PDZRN4: variants seen among roughly 807,000 people sequenced by gnomAD.
PDZRN4 encodes the protein PDZ domain-containing RING finger protein 4.
Under a neutral mutation model 99.0 loss-of-function variants are expected in PDZRN4, and 70 were observed. The observed-to-expected ratio is 0.71, with a 90% CI of 0.58 to 0.86. The LOEUF is 0.86. Ranked by LOEUF, PDZRN4 falls within the 40% of genes least tolerant of loss-of-function variation. The probability of loss-of-function intolerance (pLI) is 0.00; values close to 1 mark genes in which losing one functional copy is unlikely to be tolerated. For missense variants in PDZRN4, 1,474 were observed against 1,331.2 expected (o/e 1.11, Z -1.67); for synonymous variants, 551 against 501.6 (o/e 1.10, Z -1.32).
chr12:41,322,393 G>C (rs1310596183), intron 3 of PDZRN4, among the ~76,000 whole-genome samples: 1 of 151,058 alleles, frequency 6.6e-6, no homozygotes, highest in Non-Finnish European at 1.5e-5. Flanking sequence ...TACTGGGAAA[G>C]TACTCCAAAC....
chr12:41,219,748 A>T (rs1950941822), intron 3 of PDZRN4, among the ~76,000 whole-genome samples: 1 of 152,160 alleles, frequency 6.6e-6, no homozygotes, highest in South Asian at 2.1e-4. Flanking sequence ...CTGGTTTTGC[A>T]GAAAACTGAA....
intron 5 of PDZRN4, among the ~76,000 whole-genome samples, chr12:41,533,339 T>C (rs1396949832): frequency 6.6e-6 from 1 of 151,988 alleles, no homozygotes; most frequent in Non-Finnish European, 1.5e-5. Context: ...CACACCTGGC[T>C]ACTTTTTGTA....
intron 7 of PDZRN4, among the ~76,000 whole-genome samples, chr12:41,561,739 G>A (rs1037555002): frequency 6.6e-6 from 1 of 151,830 alleles, no homozygotes; most frequent in African/African-American, 2.4e-5. Flanking sequence ...GATCAGATGT[G>A]CCTGTAGTGG....
chr12:41,490,615 A>G (rs1020335164), intron 3 of PDZRN4, among the ~76,000 whole-genome samples: 2 of 152,084 alleles, frequency 1.3e-5, no homozygotes, highest in Admixed American at 6.6e-5. Context: ...TGCATTTGTT[A>G]TATGTTATCT....
At chr12:41,512,480 G>C (rs1373137333) in intron 5 of PDZRN4, among the ~76,000 whole-genome samples, 2 of 152,042 alleles carry the variant, frequency 1.3e-5, no homozygotes, top group Non-Finnish European at 2.9e-5. Context: ...AGGAAGGGCA[G>C]GGGCAAAGGA....
intron 3 of PDZRN4, among the ~76,000 whole-genome samples, chr12:41,382,788 A>C (rs1398124365): frequency 6.6e-6 from 1 of 152,156 alleles, no homozygotes; most frequent in Non-Finnish European, 1.5e-5. Context: ...TTATATCTCC[A>C]TTTATAGCTG....
chr12:41,286,019 AT>A (rs1253888684), intron 3 of PDZRN4, among the ~76,000 whole-genome samples: 25 of 152,240 alleles, frequency 1.6e-4, no homozygotes, highest in Non-Finnish European at 3.1e-4. Flanking sequence ...GAGAAAAAAA[AT>A]AAAATAAAAT....
chr12:41,383,396 A>T (rs1952140666), intron 3 of PDZRN4, among the ~76,000 whole-genome samples: 1 of 152,252 alleles, frequency 6.6e-6, no homozygotes, highest in African/African-American at 2.4e-5. Flanking sequence ...AGTTGTCAAT[A>T]GAAATAAATA....
intron 3 of PDZRN4, among the ~76,000 whole-genome samples, chr12:41,419,761 T>A (rs897318386): frequency 3.3e-5 from 5 of 152,178 alleles, no homozygotes; most frequent in Admixed American, 6.5e-5. Context: ...TCTATATCGG[T>A]TCAAATTGTA....
chr12:41,388,614 T>C (rs1359519033), intron 3 of PDZRN4, among the ~76,000 whole-genome samples: 2 of 152,132 alleles, frequency 1.3e-5, no homozygotes, highest in African/African-American at 2.4e-5. Flanking sequence ...TCAGAAACTA[T>C]TGGAGTAGTA....
chr12:41,286,806 A>G (rs375323782), intron 3 of PDZRN4, among the ~76,000 whole-genome samples: 35 of 152,186 alleles, frequency 2.3e-4, no homozygotes, highest in African/African-American at 8.0e-4. Context: ...CTGATGATGT[A>G]TTATGACACA....
chr12:41,497,726 G>A (rs963609420), intron 3 of PDZRN4, among the ~76,000 whole-genome samples: 1 of 152,108 alleles, frequency 6.6e-6, no homozygotes, highest in Admixed American at 6.6e-5. Flanking sequence ...GAATTATTAT[G>A]ACAAAGATAA....
chr12:41,254,704 G>T lies in PDZRN4; in HGVS notation c.843+60516G>T, dbSNP rs561831623. On this transcript the variant is annotated intron_variant, in intron 3 of 9. Coordinates refer to ENST00000402685, the MANE Select transcript of PDZRN4 (RefSeq NM_001164595.2). ...TAAAACAAAGAAATTAAAATGCTGT[G>T]CAATGAGTGAGTCACAGTGCTGTAA... is the stretch of plus-strand genomic sequence containing the variant. Among the ~76,000 whole-genome samples, 251 of 152,348 alleles carry T rather than the reference G, an allele frequency of 1.6e-3. 10 individuals are homozygous for T. In the South Asian group the frequency reaches 0.051, roughly 31 times the overall value.
intron 3 of PDZRN4, among the ~76,000 whole-genome samples, chr12:41,487,201 C>T (rs1397673489): frequency 2.0e-5 from 3 of 151,812 alleles, no homozygotes; most frequent in Non-Finnish European, 4.4e-5. Flanking sequence ...TGTTCATTGA[C>T]ATTATCTCAG....
At chr12:41,490,959 GA>G (rs1376175625) in intron 3 of PDZRN4, among the ~76,000 whole-genome samples, 1 of 152,126 alleles carries the variant, frequency 6.6e-6, no homozygotes, top group African/African-American at 2.4e-5. Context: ...CAACAAGACA[GA>G]GCAGAGGAGG....
intron 3 of PDZRN4, among the ~76,000 whole-genome samples, chr12:41,284,431 G>C (rs1393800072): frequency 6.6e-6 from 1 of 152,072 alleles, no homozygotes; most frequent in African/African-American, 2.4e-5. Context: ...TGGCCATACT[G>C]CCCAAAGTAA....
In PDZRN4 at chr12:41,562,651, TATTA is replaced by T. The variant is rs548197771; in HGVS notation, c.1366-891_1366-888del. ...ATTAAATATCCAAAGGAAAAAGTTTTATTAATTAAGAGCTAAATATATTTGCACA... is the reference window on the plus strand; with the variant it reads ...ATTAAATATCCAAAGGAAAAAGTTTTATTAAGAGCTAAATATATTTGCACA... On this transcript the variant is annotated intron_variant, in intron 7 of 9. Transcript: ENST00000402685. Among the ~76,000 whole-genome samples, 509 of 152,224 alleles carry T rather than the reference TATTA, an allele frequency of 3.3e-3. 2 individuals are homozygous for T. Among genetic ancestry groups the T allele is most frequent in the Non-Finnish European group, 5.6e-3 (381 of 68,008 alleles).
chr12:41,277,624 G>A (rs1167177033), intron 3 of PDZRN4, among the ~76,000 whole-genome samples: 1 of 152,162 alleles, frequency 6.6e-6, no homozygotes, highest in Non-Finnish European at 1.5e-5. Context: ...AGACTAGCTG[G>A]ACTAATCAGT....
intron 3 of PDZRN4, among the ~76,000 whole-genome samples, chr12:41,315,370 A>T (rs1435230643): frequency 1.3e-5 from 2 of 152,006 alleles, no homozygotes; most frequent in East Asian, 3.9e-4. Flanking sequence ...CTTGTTTATT[A>T]TATTATAAAG....
Sources: allele counts gnomAD v4.1 joint callset (sites outside exome capture counted in the v4.1 genomes callset), GRCh38; gene constraint gnomAD v4.1.1; transcripts MANE v1.5; gene names NCBI Gene and HGNC (gene_info 2026-07-23, HGNC 2026-07-21).